Variants in LRBA observed in about 807,000 individuals in gnomAD.
LRBA encodes lipopolysaccharide-responsive and beige-like anchor protein.
In LRBA, 176 loss-of-function variants were observed where a neutral mutation model predicts 330.0. The observed-to-expected ratio is 0.53, with a 90% CI of 0.47 to 0.60. The LOEUF (loss-of-function observed/expected upper bound fraction) is 0.60, where lower values mean the gene tolerates loss of function less well. LRBA is among the 20% of genes least tolerant of loss of function. LRBA has a pLI of 0.00. For synonymous variants in LRBA, 1,230 were observed against 1,193.0 expected (o/e 1.03, Z -0.64); for missense variants, 3,259 against 3,444.8 (o/e 0.95, Z 1.35).
At chr4:151,000,699 T>C (rs1743229150) in intron 2 of LRBA, among the ~76,000 whole-genome samples, 1 of 152,194 alleles carries the variant, frequency 6.6e-6, no homozygotes, top group Admixed American at 6.5e-5. Context: ...ATTTAAAACT[T>C]AGGAACTGTC....
chr4:150,311,681 G>T (rs1731088993), intron 51 of LRBA, among the ~76,000 whole-genome samples: 1 of 152,196 alleles, frequency 6.6e-6, no homozygotes, highest in African/African-American at 2.4e-5. Flanking sequence ...ATAACTGTTT[G>T]ATAATGGAGG....
At chr4:150,697,341 A>T (rs949112880) in intron 36 of LRBA, among the ~76,000 whole-genome samples, 1 of 148,158 alleles carries the variant, frequency 6.7e-6, no homozygotes, top group Non-Finnish European at 1.5e-5. Context: ...AAAAAAAAAA[A>T]AAAAAAAAAA....
chr4:150,506,312 G>C (rs906100608), intron 40 of LRBA, among the ~76,000 whole-genome samples: 7 of 152,140 alleles, frequency 4.6e-5, no homozygotes, highest in African/African-American at 1.7e-4. Flanking sequence ...GATGAACATT[G>C]ATGCAAAAAT....
intron 34 of LRBA, 90 bp from the exon 35 acceptor site, chr4:150,761,937 T>A (rs1246311929): frequency 1.4e-6 from 1 of 699,366 alleles, no homozygotes; most frequent in East Asian, 2.7e-5. Context: ...ATCACCCATA[T>A]CAATTTCATG....
chr4:150,590,972 A>G, intron 38 of LRBA, 113 bp from the exon 39 acceptor site: 1 of 846,062 alleles, frequency 1.2e-6, no homozygotes, highest in Admixed American at 2.7e-5. Context: ...TTTTATACAC[A>G]GTGTCAGCTA....
intron 37 of LRBA, among the ~76,000 whole-genome samples, chr4:150,670,999 G>GGTGTGTGTGT (rs1561497148): frequency 4.4e-5 from 3 of 67,720 alleles, no homozygotes; most frequent in South Asian, 9.1e-4. Context: ...CAACATAGCT[G>GGTGTGTGTGT]ATGTGTGTGT....
chr4:150,314,912 C>T (rs1346779318), intron 51 of LRBA: 1 of 152,028 alleles, frequency 6.6e-6, no homozygotes, highest in African/African-American at 2.4e-5. Context: ...TTTTTTCTCC[C>T]CTGAACAAAT....
At chr4:150,823,867 T>C (rs549982776) in intron 30 of LRBA, among the ~76,000 whole-genome samples, 56 of 152,240 alleles carry the variant, frequency 3.7e-4, no homozygotes, top group African/African-American at 1.3e-3. Flanking sequence ...CTCTGTAGTA[T>C]AATTTGAAGT....
intron 37 of LRBA, among the ~76,000 whole-genome samples, chr4:150,627,236 T>C (rs975408503): frequency 6.6e-6 from 1 of 151,954 alleles, no homozygotes; most frequent in East Asian, 1.9e-4. Context: ...AGTATGCAAA[T>C]AATAAAACTT....
chr4:150,902,022 T>TA (rs1194982024), intron 13 of LRBA, among the ~76,000 whole-genome samples: 2 of 152,032 alleles, frequency 1.3e-5, no homozygotes, highest in East Asian at 1.9e-4. Flanking sequence ...TTGAAAAGAT[T>TA]AAAAAAACAC....
chr4:150,696,263 A>C (rs1285898652), intron 36 of LRBA, among the ~76,000 whole-genome samples: 1 of 152,160 alleles, frequency 6.6e-6, no homozygotes, highest in African/African-American at 2.4e-5. Flanking sequence ...AAAGCAGTTC[A>C]AGAACAAGCA....
intron 2 of LRBA, among the ~76,000 whole-genome samples, chr4:150,951,865 T>A (rs1433950190): frequency 6.6e-6 from 1 of 152,194 alleles, no homozygotes; most frequent in African/African-American, 2.4e-5. Flanking sequence ...AAGTTCCAAA[T>A]AAAACAAAGT....
intron 44 of LRBA, among the ~76,000 whole-genome samples, chr4:150,445,410 T>TAC (rs1208588593): frequency 8.9e-6 from 1 of 111,940 alleles, no homozygotes; most frequent in Non-Finnish European, 1.9e-5. Context: ...TATATATATA[T>TAC]ACATATATAC....
intron 11 of LRBA, 104 bp downstream of exon 11, chr4:150,908,230 A>T: frequency 8.8e-7 from 1 of 1,135,116 alleles, no homozygotes; most frequent in Non-Finnish European, 1.3e-6. Context: ...CACAAGTTTA[A>T]ATTATTTTGA....
At position 150,900,094 on chromosome 4, in the gene LRBA, C is replaced by T. The variant is rs550423754; in HGVS notation, c.1879G>A (p.Ala627Thr). 5.6e-6 allele frequency: 9 copies of T among 1,613,444 alleles called. No homozygotes were observed. The highest frequency in any genetic ancestry group is 7.6e-6 in the Non-Finnish European group (9 of 1,179,564). The change falls in exon 14 of 57, where the codon GCA becomes ACA. Residue 627 changes from alanine to threonine, a missense_variant. Physicochemically the swap from Ala to Thr is moderately conservative, Grantham distance 58. Transcript: ENST00000651943. ...CCACTTCGATCCTGAGGATTCACTG[C>T]CCAGTAGTAGTACTTCAGCGTGTGC... The part of the protein sequence containing the change: ...IMHTLKYYYW[A>T]VNPQDRSGIT...
chr4:150,852,056 G>A lies in LRBA; in HGVS notation c.3654C>T (p.Leu1218=). 1 of 1,614,118 alleles carries A rather than the reference G, an allele frequency of 6.2e-7. No homozygotes were observed. Among genetic ancestry groups the A allele is most frequent in the Non-Finnish European group, 8.5e-7 (1 of 1,179,990 alleles). Residue 1218 remains leucine, a synonymous_variant, in exon 23 of 57, where the codon CTC becomes CTT. Transcript: ENST00000651943. The part of the protein sequence containing the change: ...MLEEGKKATN[L]TRETKLINDC... ...CATTAATTAATTTGGTTTCTCTAGT[G>A]AGGTTAGTTGCTTTCTTCCCTTCCT...
At chr4:150,825,524 G>A (rs550927252) in intron 30 of LRBA, among the ~76,000 whole-genome samples, 18 of 152,174 alleles carry the variant, frequency 1.2e-4, no homozygotes, top group African/African-American at 4.3e-4. Context: ...CCGCCACCAC[G>A]CGTAGATAAT....
chr4:150,941,847 A>G (rs115648407), intron 2 of LRBA, among the ~76,000 whole-genome samples: 2 of 151,332 alleles, frequency 1.3e-5, no homozygotes, highest in Admixed American at 1.3e-4. Context: ...AAATCAAGCC[A>G]TTGCACTCCA....
At chr4:150,267,380 T>TAAAC (rs1745480821) in intron 56 of LRBA, among the ~76,000 whole-genome samples, 1 of 151,712 alleles carries the variant, frequency 6.6e-6, no homozygotes, top group African/African-American at 2.4e-5. Flanking sequence ...TAACTGAAGG[T>TAAAC]AAACTAGAAA....
Sources: gnomAD v4.1 joint callset for allele counts (sites outside exome capture counted in the v4.1 genomes callset) on GRCh38, gnomAD v4.1.1 for gene constraint, MANE v1.5 for transcripts, NCBI Gene and HGNC (gene_info 2026-07-23, HGNC 2026-07-21) for gene names.